Variants in ZNF536 observed in about 807,000 individuals in gnomAD.
The protein encoded by ZNF536 is zinc finger protein 536.
Under a neutral mutation model 84.5 loss-of-function variants are expected in ZNF536, and 13 were observed. The ratio of observed to expected loss-of-function variants is 0.15; its 90% CI spans 0.10 to 0.24. The LOEUF (loss-of-function observed/expected upper bound fraction) is 0.24, where lower values mean the gene tolerates loss of function less well. Ranked by LOEUF, ZNF536 falls within the 10% of genes least tolerant of loss-of-function variation. ZNF536 has a pLI of 1.00. For missense variants in ZNF536, 1,536 were observed against 1,747.5 expected (o/e 0.88, Z 2.16); for synonymous variants, 811 against 742.5 (o/e 1.09, Z -1.50).
intron 2 of ZNF536, among the ~76,000 whole-genome samples, chr19:30,502,506 G>A (rs1430242597): frequency 6.6e-6 from 1 of 152,130 alleles, no homozygotes; most frequent in Non-Finnish European, 1.5e-5. Context: ...GAGAGAGAGG[G>A]CAGCTGTGGC....
At chr19:30,635,067 GGTGTGTGT>G (rs10693532) in intron 1 of ZNF536, among the ~76,000 whole-genome samples, 5 of 150,172 alleles carry the variant, frequency 3.3e-5, no homozygotes, top group African/African-American at 1.2e-4. Context: ...AAGAAAGCTG[GGTGTGTGT>G]GTGTGTGTGT....
intron 1 of ZNF536, among the ~76,000 whole-genome samples, chr19:30,648,746 C>A (rs2049575012): frequency 6.6e-6 from 1 of 152,192 alleles, no homozygotes; most frequent in Non-Finnish European, 1.5e-5. Context: ...AGTCAATAGA[C>A]ACACTCCAGT....
chr19:30,653,710 G>T (rs2049798494), intron 1 of ZNF536, among the ~76,000 whole-genome samples: 1 of 151,484 alleles, frequency 6.6e-6, no homozygotes, highest in South Asian at 2.1e-4. Flanking sequence ...GCAGGTGATG[G>T]AAGAGAGGTG....
intron 1 of ZNF536, among the ~76,000 whole-genome samples, chr19:30,689,403 A>G (rs866313222): frequency 1.3e-5 from 2 of 152,244 alleles, no homozygotes. Context: ...ATGTATAGGC[A>G]GCATACCCTG....
chr19:30,551,669 C>T (rs148790237), intron 4 of ZNF536, among the ~76,000 whole-genome samples: 94 of 152,274 alleles, frequency 6.2e-4, no homozygotes, highest in African/African-American at 9.4e-4. Flanking sequence ...CCCCTTGTTC[C>T]GCCTTCCACT....
At chr19:30,397,237 T>C (rs1486016161) in intron 1 of ZNF536, among the ~76,000 whole-genome samples, 1 of 152,242 alleles carries the variant, frequency 6.6e-6, no homozygotes, top group Non-Finnish European at 1.5e-5. Context: ...CTTTGCATTA[T>C]AAATGGGAGA....
At chr19:30,668,797 C>T (rs1024773351) in intron 1 of ZNF536, 2 of 152,224 alleles carry the variant, frequency 1.3e-5, no homozygotes, top group Non-Finnish European at 2.9e-5. Flanking sequence ...CACAGGAGCT[C>T]CCAACTCATT....
chr19:30,283,628 G>A (rs926819135), intron 1 of ZNF536, among the ~76,000 whole-genome samples: 6 of 152,110 alleles, frequency 3.9e-5, no homozygotes, highest in Admixed American at 1.3e-4. Context: ...TGGAATTTTG[G>A]TCTACTGTAG....
chr19:30,387,252 G>A (rs370468988), intron 1 of ZNF536, among the ~76,000 whole-genome samples: 7 of 152,306 alleles, frequency 4.6e-5, no homozygotes, highest in African/African-American at 1.7e-4. Context: ...GCTGATACTT[G>A]CAAAGGAAAA....
chr19:30,402,240 C>T (rs1054293778), intron 1 of ZNF536, among the ~76,000 whole-genome samples: 1 of 151,898 alleles, frequency 6.6e-6, no homozygotes, highest in African/African-American at 2.4e-5. Context: ...AACCCTGTCT[C>T]GGTGCTTACT....
chr19:30,579,497 G>A (rs546049912), intron 1 of ZNF536, among the ~76,000 whole-genome samples: 1 of 152,250 alleles, frequency 6.6e-6, no homozygotes. Context: ...AGGTTAGCCT[G>A]GGCTCGTTCT....
downstream of ZNF536, among the ~76,000 whole-genome samples, chr19:30,561,713 G>GACT (rs2046174882): frequency 6.6e-6 from 1 of 152,162 alleles, no homozygotes; most frequent in Admixed American, 6.5e-5. Flanking sequence ...TGAAGGAGCC[G>GACT]GGGTATTTAC....
At chr19:30,711,541 G>C (rs2052453298) in exon 2 of ZNF536, 1 of 152,222 alleles carries the variant, frequency 6.6e-6, no homozygotes, top group African/African-American at 2.4e-5. Context: ...TTCACGTGGT[G>C]TTGTAACTGC....
chr19:30,442,691 G>A (rs1447428628), intron 1 of ZNF536, among the ~76,000 whole-genome samples: 1 of 152,170 alleles, frequency 6.6e-6, no homozygotes, highest in Non-Finnish European at 1.5e-5. Context: ...CTTTTGATGG[G>A]CACAGTTACC....
intron 1 of ZNF536, among the ~76,000 whole-genome samples, chr19:30,683,670 A>G (rs1405964987): frequency 6.6e-6 from 1 of 152,192 alleles, no homozygotes; most frequent in Non-Finnish European, 1.5e-5. Flanking sequence ...CTCACTAAAT[A>G]TCTTTTCAAA....
chr19:30,273,546 G>A (rs1329577024), intron 1 of ZNF536, among the ~76,000 whole-genome samples: 11 of 152,166 alleles, frequency 7.2e-5, no homozygotes, highest in Non-Finnish European at 5.9e-5. Context: ...CTTTGGGGAC[G>A]TACCTGTTCA....
chr19:30,666,476 G>A (rs2050324080), intron 1 of ZNF536, among the ~76,000 whole-genome samples: 2 of 151,998 alleles, frequency 1.3e-5, no homozygotes. Context: ...GGCACTGGCT[G>A]CACTCACGTC....
At chr19:30,467,281 G>GC (rs758219475) in intron 2 of ZNF536, among the ~76,000 whole-genome samples, 6 of 151,924 alleles carry the variant, frequency 3.9e-5, no homozygotes, top group Non-Finnish European at 7.4e-5. Flanking sequence ...CATTTCTCTC[G>GC]CCCCCCAGCA....
intron 1 of ZNF536, among the ~76,000 whole-genome samples, chr19:30,384,699 T>C (rs2049267089): frequency 6.6e-6 from 1 of 151,958 alleles, no homozygotes; most frequent in African/African-American, 2.4e-5. Context: ...AGAGGAGGAA[T>C]GGCTTGGAAT....
Sources: allele counts gnomAD v4.1 joint callset (sites outside exome capture counted in the v4.1 genomes callset), GRCh38; gene constraint gnomAD v4.1.1; transcripts MANE v1.5; gene names NCBI Gene and HGNC (gene_info 2026-07-23, HGNC 2026-07-21).